The following FYB1 variants were observed in gnomAD, a reference collection of about 807,000 sequenced individuals.
FYB1 encodes the protein FYN-binding protein 1.
FYB1 carries 41 observed loss-of-function variants against 94.1 expected under a neutral mutation model. The observed-to-expected ratio is 0.44, with a 90% CI of 0.34 to 0.57. The LOEUF (loss-of-function observed/expected upper bound fraction) is 0.57, where lower values mean the gene tolerates loss of function less well. Ranked by LOEUF, FYB1 falls within the 20% of genes least tolerant of loss-of-function variation. The pLI is 0.02. For synonymous variants in FYB1, 367 were observed against 353.2 expected, an observed-to-expected ratio of 1.04 and a Z score of -0.44; for missense variants, 1,050 against 976.8, an observed-to-expected ratio of 1.07 and a Z score of -1.00.
chr5:39,200,179 A>T (rs558027040), intron 2 of FYB1, among the ~76,000 whole-genome samples: 1 of 152,316 alleles, frequency 6.6e-6, no homozygotes, highest in African/African-American at 2.4e-5. Flanking sequence ...GAGAACAAGG[A>T]TAAACTCCGT....
intron 1 of FYB1, among the ~76,000 whole-genome samples, chr5:39,269,001 C>T (rs952281687): frequency 1.3e-5 from 2 of 152,180 alleles, no homozygotes; most frequent in African/African-American, 4.8e-5. Flanking sequence ...CCAAATAGCA[C>T]TTTATAAACC....
chr5:39,242,856 A>G (rs1451592539), intron 1 of FYB1, among the ~76,000 whole-genome samples: 1 of 152,012 alleles, frequency 6.6e-6, no homozygotes. Flanking sequence ...ATGGTATCTC[A>G]TTGTGGTTTT....
At chr5:39,273,933 T>TG (rs1281958214) in intron 1 of FYB1, among the ~76,000 whole-genome samples, 1 of 152,114 alleles carries the variant, frequency 6.6e-6, no homozygotes, top group East Asian at 1.9e-4. Flanking sequence ...TGCTTTTTTT[T>TG]TTTCTTTTTG....
chr5:39,135,176 A>AG (rs1298958100), intron 7 of FYB1, among the ~76,000 whole-genome samples, 162 bp from the exon 8 acceptor site: 1 of 152,110 alleles, frequency 6.6e-6, no homozygotes, highest in Non-Finnish European at 1.5e-5. Flanking sequence ...TTCTTATAGG[A>AG]GGGGTTAGGG....
chr5:39,214,488 C>T (rs191401932), intron 1 of FYB1, among the ~76,000 whole-genome samples: 2 of 152,262 alleles, frequency 1.3e-5, no homozygotes, highest in East Asian at 3.9e-4. Flanking sequence ...GGAAGCAAAC[C>T]AAGTGTCTGT....
chr5:39,236,990 AT>A (rs1750992653), intron 1 of FYB1, among the ~76,000 whole-genome samples: 1 of 152,180 alleles, frequency 6.6e-6, no homozygotes, highest in African/African-American at 2.4e-5. Context: ...AGTTGCACAA[AT>A]ATAAGAAATG....
intron 1 of FYB1, among the ~76,000 whole-genome samples, chr5:39,250,256 G>T (rs1243507291): frequency 6.6e-6 from 1 of 152,212 alleles, no homozygotes; most frequent in Non-Finnish European, 1.5e-5. Context: ...AGAATGCTGA[G>T]GGAGGGCAGG....
chr5:39,194,454 T>A (rs1035604954), intron 2 of FYB1, among the ~76,000 whole-genome samples: 1 of 151,982 alleles, frequency 6.6e-6, no homozygotes, highest in Non-Finnish European at 1.5e-5. Context: ...GCCCAGGAGT[T>A]CAAGGCTGCA....
At chr5:39,173,380 A>T (rs1038324875) in intron 2 of FYB1, among the ~76,000 whole-genome samples, 27 of 152,022 alleles carry the variant, frequency 1.8e-4, no homozygotes, top group African/African-American at 6.3e-4. Context: ...ATTTTCTCCC[A>T]TTCTTTAGGC....
At chr5:39,176,959 G>T (rs958524531) in intron 2 of FYB1, among the ~76,000 whole-genome samples, 1 of 152,174 alleles carries the variant, frequency 6.6e-6, no homozygotes, top group Middle Eastern at 3.2e-3. Context: ...TCCAGAGACT[G>T]GGGGGTTACA....
At chr5:39,134,163 C>A in intron 9 of FYB1, 45 bp downstream of exon 9, 12 of 1,453,614 alleles carry the variant, frequency 8.3e-6, no homozygotes, top group South Asian at 1.4e-5. Flanking sequence ...AAATTTCTGA[C>A]AAGGAGACAG....
In FYB1 at chr5:39,137,670, C is replaced by A. The variant is rs761327782; in HGVS notation, c.1445G>T (p.Arg482Met). 3 of 1,536,560 alleles carry A rather than the reference C, an allele frequency of 2.0e-6. No individual in the cohort carries two copies. Among genetic ancestry groups the A allele is most frequent in the Non-Finnish European group, 2.6e-6 (3 of 1,133,638 alleles). The change falls in exon 7 of 19, where the codon AGG becomes ATG. Residue 482 changes from arginine to methionine, a missense_variant. By Grantham distance (91) the Arg-to-Met change is moderately conservative. Transcript: ENST00000512982. ...CTGTTCCTTTTTCTCCAGCTCTAAC[C>A]TCTTCTTTTCTTCCTTTTCCCTTTT... ...EKKREKEEKKRLELEKKEQKE... is the reference protein window; with the variant it reads ...EKKREKEEKKMLELEKKEQKE...
chr5:39,236,455 A>G (rs190676118), intron 1 of FYB1, among the ~76,000 whole-genome samples: 1 of 152,198 alleles, frequency 6.6e-6, no homozygotes, highest in Non-Finnish European at 1.5e-5. Context: ...TCTGGGGGAT[A>G]GTGTGATGTT....
At chr5:39,179,548 C>CTTTTTT (rs11405241) in intron 2 of FYB1, among the ~76,000 whole-genome samples, 2 of 139,622 alleles carry the variant, frequency 1.4e-5, no homozygotes, top group Non-Finnish European at 3.1e-5. Context: ...CTTCTTTTTT[C>CTTTTTT]TTTTTTTTTT....
intron 1 of FYB1, among the ~76,000 whole-genome samples, chr5:39,236,582 G>C (rs113783334): frequency 6.6e-6 from 1 of 152,046 alleles, no homozygotes; most frequent in South Asian, 2.1e-4. Context: ...TACAGTCAAA[G>C]GTTCTCATCA....
At chr5:39,116,140 C>A (rs450746) in intron 16 of FYB1, among the ~76,000 whole-genome samples, 123,044 of 152,168 alleles carry the variant, frequency 0.81, 51,848 homozygotes, top group Non-Finnish European at 0.93. Flanking sequence ...CTTTTTTGAT[C>A]ATAAGACTTT....
chr5:39,139,776 T>C (rs1742002268), intron 4 of FYB1: 1 of 152,244 alleles, frequency 6.6e-6, no homozygotes, highest in Admixed American at 6.6e-5. Flanking sequence ...CAGTGTGGTG[T>C]TGGTATAAGA....
chr5:39,224,689 A>G (rs1750398527), intron 1 of FYB1, among the ~76,000 whole-genome samples: 1 of 152,126 alleles, frequency 6.6e-6, no homozygotes, highest in Admixed American at 6.5e-5. Context: ...TTTAACAGCT[A>G]CTTCCCCTTA....
intron 1 of FYB1, among the ~76,000 whole-genome samples, chr5:39,233,890 G>A (rs1750849969): frequency 6.6e-6 from 1 of 152,122 alleles, no homozygotes; most frequent in African/African-American, 2.4e-5. Context: ...AAAAAGACAA[G>A]TTAACATAGT....
Sources: allele counts gnomAD v4.1 joint callset (sites outside exome capture counted in the v4.1 genomes callset), GRCh38; gene constraint gnomAD v4.1.1; transcripts MANE v1.5; gene names NCBI Gene and HGNC (gene_info 2026-07-23, HGNC 2026-07-21).